Variants in MGAT4C observed in about 807,000 individuals in gnomAD.
The protein encoded by MGAT4C is MGAT4 family member C, also known as alpha-1,3-mannosyl-glycoprotein 4-beta-N-acetylglucosaminyltransferase C.
In MGAT4C, 19 loss-of-function variants were observed where a neutral mutation model predicts 40.1. The observed-to-expected ratio is 0.47, with a 90% CI of 0.33 to 0.70. The LOEUF is 0.70. MGAT4C is among the 30% of genes least tolerant of loss of function. MGAT4C has a pLI of 0.02. For missense variants in MGAT4C, 491 were observed against 563.2 expected (o/e 0.87, Z 1.30); for synonymous variants, 181 against 187.1 (o/e 0.97, Z 0.27).
intron 4 of MGAT4C, among the ~76,000 whole-genome samples, chr12:86,314,297 C>T (rs1330082005): frequency 6.6e-6 from 1 of 152,122 alleles, no homozygotes; most frequent in Non-Finnish European, 1.5e-5. Context: ...TGGCTCACAC[C>T]TGTAATCCCA....
At chr12:86,388,671 TTTTG>T (rs1956106126) in intron 3 of MGAT4C, among the ~76,000 whole-genome samples, 1 of 148,674 alleles carries the variant, frequency 6.7e-6, no homozygotes, top group South Asian at 2.1e-4. Context: ...CTTCAGCGTT[TTTTG>T]TTTTTTTTTT....
chr12:86,058,845 G>T (rs1482654728), intron 1 of MGAT4C, among the ~76,000 whole-genome samples: 1 of 151,732 alleles, frequency 6.6e-6, no homozygotes, highest in Non-Finnish European at 1.5e-5. Context: ...TTTTTTTCAA[G>T]ACATTTGAAA....
intron 2 of MGAT4C, among the ~76,000 whole-genome samples, chr12:86,011,160 A>G (rs1888432425): frequency 6.6e-6 from 1 of 152,214 alleles, no homozygotes; most frequent in African/African-American, 2.4e-5. Context: ...AACACAGAAG[A>G]TGCAAGAAGT....
intron 3 of MGAT4C, among the ~76,000 whole-genome samples, chr12:86,417,716 T>G (rs570693784): frequency 2.0e-5 from 3 of 152,244 alleles, no homozygotes; most frequent in African/African-American, 7.2e-5. Flanking sequence ...AAATTTTATT[T>G]CCACCATGCA....
chr12:86,336,316 T>C (rs1308848559), intron 3 of MGAT4C, among the ~76,000 whole-genome samples: 2 of 152,168 alleles, frequency 1.3e-5, no homozygotes, highest in Non-Finnish European at 2.9e-5. Context: ...TAGAGTTCAG[T>C]TCAATATCTC....
chr12:86,017,464 T>C (rs1266566627), intron 2 of MGAT4C, among the ~76,000 whole-genome samples: 1 of 152,170 alleles, frequency 6.6e-6, no homozygotes, highest in Non-Finnish European at 1.5e-5. Context: ...TTATAACTTA[T>C]TTAAGTGAGA....
At chr12:86,149,419 T>C (rs989146858) in intron 1 of MGAT4C, among the ~76,000 whole-genome samples, 4 of 152,166 alleles carry the variant, frequency 2.6e-5, no homozygotes, top group Admixed American at 6.5e-5. Context: ...GTAACCAAAG[T>C]TTACATTTAA....
chr12:86,066,927 C>T (rs1009544688), intron 1 of MGAT4C, among the ~76,000 whole-genome samples: 1 of 152,088 alleles, frequency 6.6e-6, no homozygotes, highest in African/African-American at 2.4e-5. Flanking sequence ...CAAAAGAAGA[C>T]ATTTATGCAG....
chr12:86,769,927 G>T (rs938823095), intron 1 of MGAT4C, among the ~76,000 whole-genome samples: 1 of 151,974 alleles, frequency 6.6e-6, no homozygotes, highest in African/African-American at 2.4e-5. Context: ...ACAAGTTAAT[G>T]GGTGCAGCAC....
chr12:86,592,545 T>C (rs1248949426), intron 2 of MGAT4C, among the ~76,000 whole-genome samples: 1 of 152,176 alleles, frequency 6.6e-6, no homozygotes, highest in Admixed American at 6.5e-5. Flanking sequence ...TATAGGTTTC[T>C]AATCAGATTT....
intron 2 of MGAT4C, among the ~76,000 whole-genome samples, chr12:86,638,018 A>C (rs187862229): frequency 6.4e-4 from 97 of 152,056 alleles, no homozygotes; most frequent in African/African-American, 2.3e-3. Flanking sequence ...CCCTGTACGC[A>C]GACTTCCTCC....
chr12:86,515,619 G>A (rs1222881774), intron 2 of MGAT4C, among the ~76,000 whole-genome samples: 1 of 151,788 alleles, frequency 6.6e-6, no homozygotes, highest in Non-Finnish European at 1.5e-5. Context: ...TACACTGAAA[G>A]CTACAAAACA....
intron 2 of MGAT4C, among the ~76,000 whole-genome samples, chr12:86,585,942 T>C (rs190236773): frequency 3.6e-4 from 55 of 151,186 alleles, no homozygotes; most frequent in Middle Eastern, 3.4e-3. Flanking sequence ...ACTTTTTTTT[T>C]CCCTTTTTTT....
chr12:86,721,069 T>C (rs1950728401), intron 2 of MGAT4C, among the ~76,000 whole-genome samples: 1 of 152,144 alleles, frequency 6.6e-6, no homozygotes, highest in African/African-American at 2.4e-5. Flanking sequence ...ATGTGTTTGC[T>C]GATAGGTATG....
chr12:86,802,165 G>C (rs2136204564), intron 1 of MGAT4C, among the ~76,000 whole-genome samples: 1 of 151,978 alleles, frequency 6.6e-6, no homozygotes, highest in African/African-American at 2.4e-5. Context: ...TAGAATTGTT[G>C]AAAGATTAGT....
intron 1 of MGAT4C, among the ~76,000 whole-genome samples, chr12:86,807,570 G>T (rs775870867): frequency 3.3e-5 from 5 of 152,158 alleles, no homozygotes; most frequent in Middle Eastern, 3.4e-3. Flanking sequence ...ATTGTGAATA[G>T]CGCTGCAATG....
At chr12:86,499,302 T>G (rs1484163979) in intron 2 of MGAT4C, among the ~76,000 whole-genome samples, 2 of 151,688 alleles carry the variant, frequency 1.3e-5, no homozygotes, top group East Asian at 1.9e-4. Context: ...TTTGGTTATT[T>G]ATATCTGATT....
At chr12:86,520,835 T>C (rs1958781485) in intron 2 of MGAT4C, among the ~76,000 whole-genome samples, 1 of 152,164 alleles carries the variant, frequency 6.6e-6, no homozygotes, top group Admixed American at 6.5e-5. Flanking sequence ...ATCACTGACA[T>C]TGAACTTTTT....
chr12:86,064,982 A>G (rs1160389770), intron 1 of MGAT4C, among the ~76,000 whole-genome samples: 1 of 152,218 alleles, frequency 6.6e-6, no homozygotes, highest in Non-Finnish European at 1.5e-5. Flanking sequence ...AAATTCCTGG[A>G]CACATACACC....
Sources: allele counts gnomAD v4.1 joint callset (sites outside exome capture counted in the v4.1 genomes callset), GRCh38; gene constraint gnomAD v4.1.1; transcripts MANE v1.5; gene names NCBI Gene and HGNC (gene_info 2026-07-23, HGNC 2026-07-21).